MAGI2: variants seen among roughly 807,000 people sequenced by gnomAD.
The protein encoded by MAGI2 is membrane associated guanylate kinase, WW and PDZ domain containing 2, also known as membrane-associated guanylate kinase, WW and PDZ domain-containing protein 2.
In MAGI2, 35 loss-of-function variants were observed where a neutral mutation model predicts 133.3. The ratio of observed to expected loss-of-function variants is 0.26; its 90% CI spans 0.20 to 0.35. The LOEUF (loss-of-function observed/expected upper bound fraction) is 0.35. Ranked by LOEUF, MAGI2 falls within the 10% of genes least tolerant of loss-of-function variation. The pLI, the probability that MAGI2 is intolerant of heterozygous loss-of-function variation, is 1.00. For missense variants in MAGI2, 1,636 were observed against 1,863.4 expected, an observed-to-expected ratio of 0.88 and a Z score of 2.25; for synonymous variants, 729 against 710.6, an observed-to-expected ratio of 1.03 and a Z score of -0.41.
chr7:79,007,171 T>G lies in MAGI2; in HGVS notation c.337A>C (p.Asn113His), dbSNP rs1278300845. Residue 113 changes from asparagine to histidine, a missense_variant, in exon 2 of 22, where the codon AAC becomes CAC. Around this residue, in one of 5 missense-constraint regions of MAGI2, gnomAD observed 148 missense variants for 239.0 expected, o/e 0.62. Coordinates refer to ENST00000354212, the MANE Select transcript of MAGI2 (RefSeq NM_012301.4). ...IVDKDLRHYL[N>H]LRFQKGSVDH... ...ACAGAACCCTTTTGAAATCGTAAGT[T>G]GAGGTAGTGACGAAGGTCTTTATCA... The G allele has an allele frequency of 3.1e-6, 5 of 1,612,316 alleles. No individual in the cohort carries two copies. The highest frequency in any genetic ancestry group is 4.2e-6 in the Non-Finnish European group (5 of 1,179,414).
intron 9 of MAGI2, among the ~76,000 whole-genome samples, chr7:78,271,529 G>T (rs192308294): frequency 2.6e-5 from 4 of 152,274 alleles, no homozygotes; most frequent in Admixed American, 2.6e-4. Context: ...AGAAGGAATG[G>T]TACCAGATCC....
At chr7:78,070,210 T>C (rs78391594) in intron 21 of MAGI2, among the ~76,000 whole-genome samples, 20,144 of 54,670 alleles carry the variant, frequency 0.37, 2,232 homozygotes, top group East Asian at 0.46. Context: ...TATATATATA[T>C]ATATATATAC....
At chr7:79,415,375 T>C (rs1585895949) in intron 1 of MAGI2, 1 of 152,216 alleles carries the variant, frequency 6.6e-6, no homozygotes, top group African/African-American at 2.4e-5. Context: ...TTGAGACCGG[T>C]CTATATTGGG....
chr7:78,832,214 T>C (rs1260508910), intron 2 of MAGI2, among the ~76,000 whole-genome samples: 4 of 152,132 alleles, frequency 2.6e-5, no homozygotes, highest in Non-Finnish European at 5.9e-5. Context: ...ATAGAAATTC[T>C]AAGAATTGGT....
At chr7:78,993,590 A>C (rs993913384) in intron 2 of MAGI2, among the ~76,000 whole-genome samples, 2 of 151,880 alleles carry the variant, frequency 1.3e-5, no homozygotes, top group Non-Finnish European at 2.9e-5. Context: ...TGACATCTAG[A>C]TCTTAGTTGC....
At chr7:78,932,760 AAGT>A in intron 2 of MAGI2, among the ~76,000 whole-genome samples, 1 of 152,260 alleles carries the variant, frequency 6.6e-6, no homozygotes. Context: ...GCTGATCATG[AAGT>A]AGTGGAGAAA....
At chr7:78,616,112 A>G (rs1335675209) in intron 3 of MAGI2, 1 of 152,236 alleles carries the variant, frequency 6.6e-6, no homozygotes, top group Non-Finnish European at 1.5e-5. Flanking sequence ...TAGCTAATAA[A>G]TCCCAAGTCC....
chr7:79,137,188 C>A (rs777073177), intron 1 of MAGI2, among the ~76,000 whole-genome samples: 4 of 152,066 alleles, frequency 2.6e-5, no homozygotes, highest in Non-Finnish European at 5.9e-5. Flanking sequence ...ACCCGTAAGA[C>A]CCTTCTCTGA....
intron 2 of MAGI2, among the ~76,000 whole-genome samples, chr7:78,836,914 C>G (rs749406157): frequency 6.6e-6 from 1 of 151,998 alleles, no homozygotes; most frequent in Non-Finnish European, 1.5e-5. Flanking sequence ...CTCAGCTGTT[C>G]GTACTTTGTG....
chr7:78,719,615 T>C (rs1241289735), intron 2 of MAGI2, among the ~76,000 whole-genome samples: 1 of 152,208 alleles, frequency 6.6e-6, no homozygotes, highest in Non-Finnish European at 1.5e-5. Flanking sequence ...CCCTCTTTCT[T>C]TTACTTTCAA....
chr7:79,072,745 A>C (rs1198126082), intron 1 of MAGI2, among the ~76,000 whole-genome samples: 1 of 152,230 alleles, frequency 6.6e-6, no homozygotes, highest in East Asian at 1.9e-4. Context: ...GTAAGATGAA[A>C]TATTCGGCAT....
chr7:79,375,178 A>G (rs1297338391), intron 1 of MAGI2, among the ~76,000 whole-genome samples: 1 of 152,038 alleles, frequency 6.6e-6, no homozygotes, highest in Non-Finnish European at 1.5e-5. Context: ...TAAAAATAAT[A>G]TTTCAGGAAA....
chr7:79,448,893 T>A (rs965785441), intron 1 of MAGI2, among the ~76,000 whole-genome samples: 74 of 152,172 alleles, frequency 4.9e-4, no homozygotes, highest in African/African-American at 1.7e-3. Flanking sequence ...ACATTCGAGG[T>A]CATACCATTT....
At chr7:78,842,067 T>C (rs183506074) in intron 2 of MAGI2, among the ~76,000 whole-genome samples, 57 of 152,106 alleles carry the variant, frequency 3.7e-4, no homozygotes, top group African/African-American at 1.3e-3. Context: ...ATTCAGGCAT[T>C]CAACCAGTAA....
At chr7:79,272,078 T>C (rs1289539208) in intron 1 of MAGI2, among the ~76,000 whole-genome samples, 2 of 152,136 alleles carry the variant, frequency 1.3e-5, no homozygotes, top group Non-Finnish European at 1.5e-5. Context: ...TTATTCCTGG[T>C]TTTTAAAGTT....
intron 1 of MAGI2, among the ~76,000 whole-genome samples, chr7:79,428,934 T>C (rs545997100): frequency 5.6e-4 from 86 of 152,266 alleles, no homozygotes; most frequent in African/African-American, 1.9e-3. Context: ...TTGGATTTGT[T>C]TTATATAAAA....
chr7:79,343,319 C>T (rs1367211052), intron 1 of MAGI2: 1 of 151,934 alleles, frequency 6.6e-6, no homozygotes, highest in East Asian at 1.9e-4. Flanking sequence ...AAGGGCCATA[C>T]TAATCTTCTG....
chr7:78,831,905 T>C (rs1791191913), intron 2 of MAGI2, among the ~76,000 whole-genome samples: 1 of 152,176 alleles, frequency 6.6e-6, no homozygotes, highest in African/African-American at 2.4e-5. Context: ...TTATTTATAC[T>C]GGTGGTTATT....
intron 2 of MAGI2, among the ~76,000 whole-genome samples, chr7:78,855,734 T>C (rs183439152): frequency 1.3e-5 from 2 of 152,352 alleles, no homozygotes; most frequent in East Asian, 1.9e-4. Flanking sequence ...TGTGTAGTTA[T>C]AGCAGCAGGA....
Sources: allele counts gnomAD v4.1 joint callset (sites outside exome capture counted in the v4.1 genomes callset), GRCh38; gene constraint gnomAD v4.1.1; regional missense constraint gnomAD v4.1.1; transcripts MANE v1.5; gene names NCBI Gene and HGNC (gene_info 2026-07-23, HGNC 2026-07-21).